PID1: variants seen among roughly 807,000 people sequenced by gnomAD.
PID1 encodes phosphotyrosine interaction domain containing 1.
In PID1, 10 loss-of-function variants were observed where a neutral mutation model predicts 19.1. That is an observed-to-expected ratio of 0.52 (90% CI 0.32 to 0.89). PID1 has a LOEUF of 0.89. PID1 is among the 40% of genes least tolerant of loss of function. The probability of loss-of-function intolerance (pLI) is 0.03; values close to 1 mark genes in which losing one functional copy is unlikely to be tolerated. For synonymous variants in PID1, 130 were observed against 116.0 expected, an observed-to-expected ratio of 1.12 and a Z score of -0.78; for missense variants, 248 against 285.3, an observed-to-expected ratio of 0.87 and a Z score of 0.94.
chr2:229,262,582 A>C, intron 1 of PID1: 2 of 1,451,412 alleles, frequency 1.4e-6, no homozygotes, highest in Non-Finnish European at 1.8e-6. Context: ...AAACATAGTC[A>C]AGAGGCTATA....
At chr2:229,108,485 G>C (rs1473049991) in intron 2 of PID1, among the ~76,000 whole-genome samples, 1 of 152,202 alleles carries the variant, frequency 6.6e-6, no homozygotes, top group East Asian at 1.9e-4. Context: ...ATATTCTACA[G>C]GGTGTCCCTG....
intron 2 of PID1, among the ~76,000 whole-genome samples, chr2:229,044,962 GT>G (rs958094767): frequency 1.1e-4 from 17 of 148,906 alleles, no homozygotes; most frequent in East Asian, 7.9e-4. Flanking sequence ...ATTCAGGGTA[GT>G]TTTTTTTTTA....
chr2:229,106,537 G>C (rs12617833), intron 2 of PID1, among the ~76,000 whole-genome samples: 31,473 of 152,172 alleles, frequency 0.21, 4,076 homozygotes, highest in East Asian at 0.36. Flanking sequence ...GGTCATGAGA[G>C]TGGGACCCTT....
chr2:229,175,162 T>C (rs1395125402), intron 1 of PID1, among the ~76,000 whole-genome samples: 1 of 152,194 alleles, frequency 6.6e-6, no homozygotes, highest in East Asian at 1.9e-4. Context: ...AAAAAGTTCT[T>C]GTTTTTTTGA....
intron 1 of PID1, among the ~76,000 whole-genome samples, chr2:229,225,306 G>A (rs976040288): frequency 6.6e-6 from 1 of 152,142 alleles, no homozygotes; most frequent in Non-Finnish European, 1.5e-5. Flanking sequence ...CCACAGAGAA[G>A]CACCGGATAA....
At chr2:229,049,517 T>C (rs937189615) in intron 2 of PID1, among the ~76,000 whole-genome samples, 3 of 152,172 alleles carry the variant, frequency 2.0e-5, no homozygotes, top group Admixed American at 2.0e-4. Context: ...TCTAGAACAT[T>C]AGAAACATAC....
chr2:229,161,188 T>C (rs949603361), intron 1 of PID1, among the ~76,000 whole-genome samples: 12 of 151,918 alleles, frequency 7.9e-5, no homozygotes, highest in Non-Finnish European at 1.6e-4. Flanking sequence ...GCATGCAGGG[T>C]TGTGGACTGG....
chr2:229,270,931 A>G (rs1180914225), intron 1 of PID1, 83 bp downstream of exon 1: 6 of 1,310,876 alleles, frequency 4.6e-6, no homozygotes, highest in Non-Finnish European at 6.3e-6. Flanking sequence ...AAATCCCCTA[A>G]AGTAGGCAGA....
intron 2 of PID1, among the ~76,000 whole-genome samples, chr2:229,125,958 T>C (rs1470556910): frequency 6.6e-6 from 1 of 152,156 alleles, no homozygotes; most frequent in Non-Finnish European, 1.5e-5. Flanking sequence ...GGATTGTACA[T>C]TCCTCAGGTG....
At chr2:229,106,775 G>A (rs1454325048) in intron 2 of PID1, among the ~76,000 whole-genome samples, 1 of 152,084 alleles carries the variant, frequency 6.6e-6, no homozygotes, top group Non-Finnish European at 1.5e-5. Flanking sequence ...TTTGTTATAG[G>A]AGCTCAAACA....
At chr2:229,250,520 G>A (rs1416589139) in intron 1 of PID1, among the ~76,000 whole-genome samples, 3 of 152,218 alleles carry the variant, frequency 2.0e-5, no homozygotes, top group Non-Finnish European at 4.4e-5. Context: ...CACAGCATCT[G>A]GGGATATCGC....
chr2:229,188,909 A>G (rs978685620), intron 1 of PID1, among the ~76,000 whole-genome samples: 2 of 152,190 alleles, frequency 1.3e-5, no homozygotes, highest in Non-Finnish European at 2.9e-5. Context: ...TTAAATATCT[A>G]TATAAAGTCT....
intron 1 of PID1, among the ~76,000 whole-genome samples, chr2:229,193,655 T>C (rs1006719742): frequency 6.6e-6 from 1 of 152,090 alleles, no homozygotes; most frequent in African/African-American, 2.4e-5. Context: ...ATTGTTACTA[T>C]TTGTTATGTC....
chr2:229,163,743 C>T (rs1412003499), intron 1 of PID1, among the ~76,000 whole-genome samples: 2 of 151,820 alleles, frequency 1.3e-5, no homozygotes, highest in African/African-American at 4.8e-5. Flanking sequence ...AATACACACA[C>T]ACACGCACAC....
chr2:229,259,578 A>C (rs1361323268), intron 1 of PID1, among the ~76,000 whole-genome samples: 1 of 152,222 alleles, frequency 6.6e-6, no homozygotes, highest in Non-Finnish European at 1.5e-5. Flanking sequence ...TTTATGACCC[A>C]TTTTGAGTTA....
In PID1 at chr2:229,231,781, A is replaced by G. The variant is rs1053095737; in HGVS notation, c.30+39233T>C. On this transcript the variant is annotated intron_variant, in intron 1 of 2. Coordinates refer to ENST00000392055, the MANE Select transcript of PID1 (RefSeq NM_001100818.2). ...TTCATGTTGCCATGGATGTGTCTCA[A>G]TAGTCCAGATGTGTGATGGCATTTT... 9 of 1,342,142 alleles carry G rather than the reference A, an allele frequency of 6.7e-6. No homozygotes were observed. In the African/African-American group the frequency reaches 1.2e-4, roughly 17 times the overall value. The allele number at this position is 1,342,142 out of a possible 1,614,324, so 83.1% of individuals were successfully genotyped here.
intron 2 of PID1, among the ~76,000 whole-genome samples, chr2:229,149,308 A>T (rs1690199289): frequency 6.6e-6 from 1 of 152,196 alleles, no homozygotes; most frequent in African/African-American, 2.4e-5. Context: ...CTGTATTTCA[A>T]GTTAAATACA....
intron 2 of PID1, among the ~76,000 whole-genome samples, chr2:229,035,705 C>CT (rs1265376011): frequency 6.6e-6 from 1 of 152,182 alleles, no homozygotes; most frequent in Non-Finnish European, 1.5e-5. Flanking sequence ...AATTTCTTCA[C>CT]TTGAAGAGGA....
At chr2:229,235,481 C>T (rs1692305262) in intron 1 of PID1, among the ~76,000 whole-genome samples, 1 of 128,304 alleles carries the variant, frequency 7.8e-6, no homozygotes, top group South Asian at 2.4e-4. Context: ...GGGTGATTTG[C>T]AATATGTTTA....
Sources: gnomAD v4.1 joint callset for allele counts (sites outside exome capture counted in the v4.1 genomes callset) on GRCh38, gnomAD v4.1.1 for gene constraint, MANE v1.5 for transcripts, NCBI Gene and HGNC (gene_info 2026-07-23, HGNC 2026-07-21) for gene names.